GRID2: variants seen among roughly 807,000 people sequenced by gnomAD.
The protein encoded by GRID2 is glutamate ionotropic receptor delta type subunit 2, also known as glutamate receptor ionotropic, delta-2.
In GRID2, 33 loss-of-function variants were observed where a neutral mutation model predicts 114.8. The ratio of observed to expected loss-of-function variants is 0.29; its 90% CI spans 0.22 to 0.38. The LOEUF is 0.38. Among genes scored for constraint, GRID2 ranks in the 10% least tolerant of loss-of-function variants. The probability of loss-of-function intolerance (pLI) is 1.00; values close to 1 mark genes in which losing one functional copy is unlikely to be tolerated. For synonymous variants in GRID2, 505 were observed against 449.9 expected (o/e 1.12, Z -1.55); for missense variants, 1,184 against 1,257.7 (o/e 0.94, Z 0.89).
chr4:93,268,433 G>A (rs985673081), intron 8 of GRID2, among the ~76,000 whole-genome samples: 2 of 151,968 alleles, frequency 1.3e-5, no homozygotes, highest in African/African-American at 4.8e-5. Context: ...ATATATTTGG[G>A]GTTAGAGCTT....
chr4:93,016,464 T>G (rs543924361), intron 2 of GRID2, among the ~76,000 whole-genome samples: 1 of 152,280 alleles, frequency 6.6e-6, no homozygotes, highest in South Asian at 2.1e-4. Context: ...AGAGAGGTCC[T>G]CCAGTGGCTG....
At chr4:92,477,204 AT>A (rs199988914) in intron 1 of GRID2, among the ~76,000 whole-genome samples, 7 of 150,816 alleles carry the variant, frequency 4.6e-5, no homozygotes, top group African/African-American at 1.2e-4. Context: ...CTAGCACAAT[AT>A]TTTTTTTTAA....
At chr4:92,655,692 A>G (rs975570087) in intron 2 of GRID2, among the ~76,000 whole-genome samples, 4 of 151,534 alleles carry the variant, frequency 2.6e-5, no homozygotes, top group African/African-American at 9.7e-5. Context: ...ATTGATGGCT[A>G]GAAATATTAC....
At chr4:92,925,895 G>A (rs1212638791) in intron 2 of GRID2, among the ~76,000 whole-genome samples, 1 of 151,932 alleles carries the variant, frequency 6.6e-6, no homozygotes, top group Non-Finnish European at 1.5e-5. Context: ...AGGGACAAGA[G>A]TTAGTTTTAG....
intron 2 of GRID2, among the ~76,000 whole-genome samples, chr4:92,646,192 G>A (rs1434465551): frequency 1.6e-4 from 1 of 6,102 alleles, no homozygotes; most frequent in Non-Finnish European, 7.6e-4. Context: ...AATTAATAAT[G>A]TGCCATGGAG....
chr4:92,861,500 C>T (rs900643942), intron 2 of GRID2, among the ~76,000 whole-genome samples: 41 of 152,170 alleles, frequency 2.7e-4, no homozygotes, highest in African/African-American at 8.4e-4. Context: ...TCATTGACCA[C>T]GAGACTAGGT....
At chr4:93,385,933 A>G (rs1764271427) in intron 8 of GRID2, among the ~76,000 whole-genome samples, 1 of 152,200 alleles carries the variant, frequency 6.6e-6, no homozygotes. Flanking sequence ...GTTGAGTTAG[A>G]TATGTATTCA....
intron 2 of GRID2, among the ~76,000 whole-genome samples, chr4:92,839,163 A>G (rs544372017): frequency 3.3e-5 from 5 of 152,152 alleles, no homozygotes; most frequent in South Asian, 2.1e-4. Context: ...GGTGCTTTCA[A>G]TCATTTTAAT....
chr4:92,321,451 CTTTGT>C (rs1726312645), intron 1 of GRID2, among the ~76,000 whole-genome samples: 1 of 152,136 alleles, frequency 6.6e-6, no homozygotes, highest in Non-Finnish European at 1.5e-5. Context: ...CTCTTTGCAT[CTTTGT>C]TTAGAGTCTA....
At chr4:92,830,120 A>G (rs1206291913) in intron 2 of GRID2, among the ~76,000 whole-genome samples, 2 of 151,814 alleles carry the variant, frequency 1.3e-5, no homozygotes, top group Non-Finnish European at 2.9e-5. Flanking sequence ...AAGCAAAACT[A>G]GCACTGAGGA....
intron 14 of GRID2, among the ~76,000 whole-genome samples, chr4:93,724,277 G>A (rs1729642988): frequency 6.6e-6 from 1 of 152,140 alleles, no homozygotes; most frequent in African/African-American, 2.4e-5. Flanking sequence ...ATCTTCCTGA[G>A]GTGGAGTAGA....
At chr4:93,323,767 C>T (rs995006032) in intron 8 of GRID2, among the ~76,000 whole-genome samples, 2 of 152,030 alleles carry the variant, frequency 1.3e-5, no homozygotes, top group African/African-American at 2.4e-5. Context: ...CTTCACAACC[C>T]TTATAAGTTG....
At chr4:92,716,706 G>C (rs1735569025) in intron 2 of GRID2, among the ~76,000 whole-genome samples, 1 of 152,114 alleles carries the variant, frequency 6.6e-6, no homozygotes, top group African/African-American at 2.4e-5. Context: ...TTGCCTTAGT[G>C]GTTTGCTCTC....
chr4:92,777,669 GC>G (rs1738876103), intron 2 of GRID2, among the ~76,000 whole-genome samples: 2 of 151,044 alleles, frequency 1.3e-5, no homozygotes, highest in African/African-American at 4.9e-5. Context: ...ATCGAGCCAT[GC>G]CCTAATTCAT....
chr4:93,006,520 A>G lies in GRID2; in HGVS notation c.245-78475A>G, dbSNP rs72885751. On this transcript the variant is annotated intron_variant, in intron 2 of 15. Transcript: ENST00000282020. ...GGTTTCTGGGGCAAATTAGAAGTGT[A>G]TGGAAAATTCTTTGGTGGCTCTGTG... 1.7e-3 allele frequency among the ~76,000 whole-genome samples: 254 copies of G among 152,116 alleles called. 2 individuals carry two copies. Among genetic ancestry groups the G allele is most frequent in the African/African-American group, 5.8e-3 (242 of 41,532 alleles).
At chr4:92,341,433 T>G (rs1727482906) in intron 1 of GRID2, among the ~76,000 whole-genome samples, 1 of 152,126 alleles carries the variant, frequency 6.6e-6, no homozygotes, top group Non-Finnish European at 1.5e-5. Flanking sequence ...TATGCTCAGC[T>G]ATTTCACTGA....
At chr4:93,650,314 T>C (rs11097382) in intron 14 of GRID2, among the ~76,000 whole-genome samples, 21,086 of 152,228 alleles carry the variant, frequency 0.14, 1,801 homozygotes, top group Non-Finnish European at 0.19. Context: ...TGTCTTTTTT[T>C]CTGAGATTAT....
intron 1 of GRID2, among the ~76,000 whole-genome samples, chr4:93,795,083 C>A (rs934298396): frequency 1.3e-5 from 2 of 151,862 alleles, no homozygotes; most frequent in African/African-American, 4.8e-5. Flanking sequence ...GATATTTTAG[C>A]ATAAAGACAA....
At chr4:92,607,088 TACTC>T (rs775279327) in intron 2 of GRID2, among the ~76,000 whole-genome samples, 3 of 152,010 alleles carry the variant, frequency 2.0e-5, no homozygotes, top group Admixed American at 6.6e-5. Flanking sequence ...TGTCTGAACT[TACTC>T]ATTTATGCCT....
Sources: allele counts gnomAD v4.1 joint callset (sites outside exome capture counted in the v4.1 genomes callset), GRCh38; gene constraint gnomAD v4.1.1; transcripts MANE v1.5; gene names NCBI Gene and HGNC (gene_info 2026-07-23, HGNC 2026-07-21).